The following SACS variants were observed in gnomAD, a reference collection of about 807,000 sequenced individuals.
SACS encodes the protein sacsin.
A neutral mutation model predicts 348.0 loss-of-function variants in SACS; 197 were observed. The observed-to-expected ratio is 0.57, with a 90% CI of 0.50 to 0.64. The LOEUF (loss-of-function observed/expected upper bound fraction) is 0.64, where lower values mean the gene tolerates loss of function less well. Ranked by LOEUF, SACS falls within the 30% of genes least tolerant of loss-of-function variation. The pLI, the probability that SACS is intolerant of heterozygous loss-of-function variation, is 0.00. For missense variants in SACS, 4,999 were observed against 5,360.8 expected (o/e 0.93, Z 2.11); for synonymous variants, 1,985 against 1,910.6 (o/e 1.04, Z -1.02).
At position 23,339,388 on chromosome 13, in the gene SACS, C is replaced by A. The variant is rs770743092; in HGVS notation, c.4488G>T (p.Leu1496Phe). 6.2e-7 allele frequency: 1 copy of A among 1,612,356 alleles called. No homozygotes were observed. Among genetic ancestry groups the A allele is most frequent in the Admixed American group, 1.7e-5 (1 of 59,742 alleles). The change falls in exon 10 of 10, where the codon TTG (leucine) becomes TTT (phenylalanine). Residue 1496 changes from leucine to phenylalanine, a missense_variant. Coordinates refer to ENST00000382292, the MANE Select transcript of SACS (RefSeq NM_014363.6). ...DDANATECSFLIDMRRNMDIR... is the reference protein window; with the variant it reads ...DDANATECSFFIDMRRNMDIR... ...TGTCCATATTTCTTCTCATATCAAT[C>A]AAGAAACTGCATTCTGTTGCATTTG...
Position 23,411,441 on chromosome 13 carries a change from T to A in SACS, c.-202A>T. On this transcript the variant is annotated 5_prime_UTR_variant, in exon 2 of 10. Coordinates refer to ENST00000382292, the MANE Select transcript of SACS (RefSeq NM_014363.6). ...ACATTGTCGTGTGTTGCATTTGTATTCCTTAAAGTATGACTCTCCAGTCTG... is the reference window on the plus strand; with the variant it reads ...ACATTGTCGTGTGTTGCATTTGTATACCTTAAAGTATGACTCTCCAGTCTG... 1.6e-6 allele frequency: 1 copy of A among 615,566 alleles called. No individual in the cohort carries two copies. The highest frequency in any genetic ancestry group is 2.9e-6 in the Non-Finnish European group (1 of 345,508). The allele number at this position is 615,566 out of a possible 1,614,324, so 38.1% of individuals were successfully genotyped here.
intron 9 of SACS, 163 bp downstream of exon 9, chr13:23,353,622 A>T (rs531307545): frequency 6.3e-5 from 37 of 588,490 alleles, no homozygotes; most frequent in African/African-American, 5.4e-4. Flanking sequence ...AGCATCTCTT[A>T]GATGCCATTC....
rs1276328270 is a variant in SACS, at chr13:23,334,069, G to A, written c.9807C>T (p.Asp3269=). 6.2e-7 allele frequency: 1 copy of A among 1,613,598 alleles called. No homozygotes were observed. The highest frequency in any genetic ancestry group is 1.3e-5 in the African/African-American group (1 of 74,918). ...AGTCTTTTAGAGTATCAACAACAAT[G>A]TCAAATGTTGGTTTTGTTTCTTCCT... ...EDQEETKPTF[D]IVVDTLKDWA... is the part of the protein sequence containing the mutation. Residue 3269 remains aspartate (D), a synonymous_variant, in exon 10 of 10, where the codon GAC becomes GAT. Coordinates refer to ENST00000382292, the MANE Select transcript of SACS (RefSeq NM_014363.6).
Position 23,411,401 on chromosome 13 carries a change from A to T in SACS, c.-162T>A, listed in dbSNP as rs1873475907. ...TTTTTCCCTTCAGTGTCCATTCATC[A>T]TCTGATGTCAGGAAACATTGTCGTG... On this transcript the variant is annotated 5_prime_UTR_variant, in exon 2 of 10. It removes an upstream start codon present in the reference 5' UTR. Transcript: ENST00000382292. 1 of 678,156 alleles carries T rather than the reference A, an allele frequency of 1.5e-6. No individual in the cohort carries two copies. The highest frequency in any genetic ancestry group is 2.7e-6 in the Non-Finnish European group (1 of 375,402). 42.0% of individuals were successfully genotyped at this position (678,156 alleles called of 1,614,324 possible). A position where few individuals can be genotyped will look rare whatever the true frequency, so the allele number is the denominator to read the frequency against.
Position 23,341,252 on chromosome 13 carries a change from G to A in SACS, c.2624C>T (p.Ala875Val), listed in dbSNP as rs1231858000. ...KKYIHSPLPS[A>V]VLQIMEKMPL... ...CATCTTCTCCATTATCTGCAAAACA[G>A]CACTTGGTAATGGTGAATGAATATA... Residue 875 changes from alanine (A) to valine (V), a missense_variant, in exon 10 of 10, where the codon GCT becomes GTT. This residue lies in a region of SACS where 3,156 missense variants were observed against 3,380.1 expected (regional missense o/e 0.93). Transcript: ENST00000382292. 9 of 1,613,662 alleles carry A rather than the reference G, an allele frequency of 5.6e-6. No homozygotes were observed.
chr13:23,424,640 A>G (rs1278789373), intron 1 of SACS, among the ~76,000 whole-genome samples: 1 of 152,220 alleles, frequency 6.6e-6, no homozygotes. Flanking sequence ...GCTGTTTTAT[A>G]TAAATGAATG....
intron 2 of SACS, among the ~76,000 whole-genome samples, chr13:23,404,002 A>C (rs1873097786): frequency 6.6e-6 from 1 of 152,164 alleles, no homozygotes; most frequent in Non-Finnish European, 1.5e-5. Flanking sequence ...TTTGTTATTT[A>C]CCCAGTAATC....
At chr13:23,386,855 G>C (rs1872309683) in intron 2 of SACS, among the ~76,000 whole-genome samples, 2 of 152,172 alleles carry the variant, frequency 1.3e-5, no homozygotes, top group Non-Finnish European at 1.5e-5. Flanking sequence ...AGGGAAAAGA[G>C]AGGCTGGAGG....
chr13:23,329,764 T>C lies in SACS; in HGVS notation c.*372A>G, dbSNP rs1883348650. ...AACCAATTATATGTCCAGTGTTTCA[T>C]TAGCTCCTTCAAAAATACCATGTTA... On this transcript the variant is annotated 3_prime_UTR_variant, in exon 10 of 10. Coordinates refer to ENST00000382292, the MANE Select transcript of SACS (RefSeq NM_014363.6). 14 of 484,208 alleles carry C rather than the reference T, an allele frequency of 2.9e-5. No homozygotes were observed. The highest frequency in any genetic ancestry group is 5.1e-5 in the Non-Finnish European group (14 of 276,024). The allele number at this position is 484,208 out of a possible 1,614,324, so 30.0% of individuals were successfully genotyped here. A position where few individuals can be genotyped will look rare whatever the true frequency, so the allele number is the denominator to read the frequency against.
At chr13:23,349,060 T>C (rs917297727) in intron 9 of SACS, among the ~76,000 whole-genome samples, 1 of 152,234 alleles carries the variant, frequency 6.6e-6, no homozygotes, top group South Asian at 2.1e-4. Flanking sequence ...CCCTAGTTCA[T>C]GCTAGCAGGG....
At chr13:23,416,735 C>G (rs1479479323) in intron 1 of SACS, among the ~76,000 whole-genome samples, 1 of 146,322 alleles carries the variant, frequency 6.8e-6, no homozygotes, top group East Asian at 2.0e-4. Context: ...CCAGCCTGGG[C>G]AACAAGAAAC....
intron 2 of SACS, among the ~76,000 whole-genome samples, chr13:23,387,770 A>G (rs1314040345): frequency 6.6e-6 from 1 of 152,166 alleles, no homozygotes; most frequent in African/African-American, 2.4e-5. Context: ...GGAACTTGCA[A>G]CTTAATCTGT....
intron 1 of SACS, among the ~76,000 whole-genome samples, chr13:23,430,044 C>T (rs1874371461): frequency 1.3e-5 from 2 of 151,976 alleles, no homozygotes; most frequent in South Asian, 2.1e-4. Context: ...TCCGTCTCTA[C>T]TAAAAATACA....
intron 9 of SACS, among the ~76,000 whole-genome samples, chr13:23,351,458 A>G: frequency 6.6e-6 from 1 of 152,206 alleles, no homozygotes; most frequent in African/African-American, 2.4e-5. Flanking sequence ...TTCTCATGGT[A>G]CTGACTAAGT....
chr13:23,349,831 A>G (rs1347816167), intron 9 of SACS, among the ~76,000 whole-genome samples: 1 of 152,176 alleles, frequency 6.6e-6, no homozygotes, highest in Non-Finnish European at 1.5e-5. Flanking sequence ...TAGAGGAGTG[A>G]AGTTTAAGCC....
rs745530440 is a variant in SACS at position 23,355,397 on chromosome 13, A to G, written c.1215T>C (p.Ser405=). ...GTTCATCAGCTAAAGAGTCAAGCTTACTACTGATCCCTCGCCCACCCACAC... is the reference window on the plus strand; with the variant it reads ...GTTCATCAGCTAAAGAGTCAAGCTTGCTACTGATCCCTCGCCCACCCACAC... ...CNSVGGRGIS[S]KLDSLADELK... Residue 405 remains serine, a synonymous_variant, in exon 8 of 10, where the codon AGT becomes AGC. Transcript: ENST00000382292. 6.2e-7 allele frequency: 1 copy of G among 1,614,186 alleles called. No homozygotes were observed. The highest frequency in any genetic ancestry group is 1.3e-5 in the African/African-American group (1 of 75,042).
chr13:23,333,560 G>C lies in SACS; in HGVS notation c.10316C>G (p.Ala3439Gly). ...CYVLTKSIPS[A>G]EVEKWTQSSS... ...TGACTGTGTCCATTTCTCCACTTCA[G>C]CTGAAGGGATACTTTTTGTAAGTAC... The change falls in exon 10 of 10, where the codon GCT becomes GGT. Residue 3439 changes from alanine (A) to glycine (G), a missense_variant. This residue lies in a region of SACS where 734 missense variants were observed against 694.0 expected (regional missense o/e 1.06). Coordinates refer to ENST00000382292, the MANE Select transcript of SACS (RefSeq NM_014363.6). 6.2e-7 allele frequency: 1 copy of C among 1,613,602 alleles called. No homozygotes were observed. The highest frequency in any genetic ancestry group is 2.2e-5 in the East Asian group (1 of 44,858).
chr13:23,358,251 T>C (rs889554958), intron 7 of SACS, 84 bp downstream of exon 7: 36 of 1,434,056 alleles, frequency 2.5e-5, no homozygotes, highest in Non-Finnish European at 3.5e-5. Context: ...TTAAACAGTA[T>C]CACCTCTGAA....
At chr13:23,400,006 A>G (rs1240719232) in intron 2 of SACS, among the ~76,000 whole-genome samples, 5 of 152,236 alleles carry the variant, frequency 3.3e-5, no homozygotes, top group Admixed American at 3.3e-4. Context: ...GGTGCCTCTC[A>G]GGTTTTAACT....
Sources: gnomAD v4.1 joint callset for allele counts (sites outside exome capture counted in the v4.1 genomes callset) on GRCh38, gnomAD v4.1.1 for gene constraint, gnomAD v4.1.1 regional missense constraint, MANE v1.5 for transcripts, NCBI Gene and HGNC (gene_info 2026-07-23, HGNC 2026-07-21) for gene names.